Variants in LRRTM4 observed in about 807,000 individuals in gnomAD.
LRRTM4 encodes leucine-rich repeat transmembrane neuronal protein 4.
In LRRTM4, 25 loss-of-function variants were observed where a neutral mutation model predicts 47.6. That is an observed-to-expected ratio of 0.53 (90% CI 0.38 to 0.73). The LOEUF is 0.73. LRRTM4 is among the 30% of genes least tolerant of loss of function. LRRTM4 has a pLI of 0.00. For missense variants in LRRTM4, 638 were observed against 713.4 expected, an observed-to-expected ratio of 0.89 and a Z score of 1.20; for synonymous variants, 311 against 269.5, an observed-to-expected ratio of 1.15 and a Z score of -1.51.
intron 3 of LRRTM4, among the ~76,000 whole-genome samples, chr2:77,439,048 C>T (rs1189521630): frequency 6.6e-6 from 1 of 152,168 alleles, no homozygotes; most frequent in Non-Finnish European, 1.5e-5. Flanking sequence ...CAAAACGTCT[C>T]TTATAGGCTT....
In LRRTM4 at chr2:77,227,390, A is replaced by C. The variant is rs372934810; in HGVS notation, c.1551+290928T>G. Among the ~76,000 whole-genome samples the C allele has an allele frequency of 2.8e-4, 43 of 152,218 alleles. No homozygotes were observed. The East Asian group carries it at 6.6e-3, about 23-fold the overall frequency. On this transcript the variant is annotated intron_variant, in intron 3 of 3. Transcript: ENST00000409884. Reference sequence around the variant, plus strand: ...CACAATTTAATAAATGATTCAATGTAATCTCTACAAAAATGACTCTAAGAG... The same window carrying C: ...CACAATTTAATAAATGATTCAATGTCATCTCTACAAAAATGACTCTAAGAG...
At chr2:77,094,064 A>T (rs1454540429) in intron 3 of LRRTM4, among the ~76,000 whole-genome samples, 2 of 152,182 alleles carry the variant, frequency 1.3e-5, no homozygotes, top group African/African-American at 4.8e-5. Flanking sequence ...TTAGAGGTAG[A>T]AAACCCTAAC....
intron 3 of LRRTM4, among the ~76,000 whole-genome samples, chr2:77,018,269 T>TTTTTC (rs1454319184): frequency 1.3e-5 from 2 of 148,482 alleles, no homozygotes; most frequent in Non-Finnish European, 3.0e-5. Flanking sequence ...CTTTTTTTTT[T>TTTTTC]TTTTTTTTGT....
rs1352109488 is a variant in LRRTM4, at chr2:77,325,982, G to A, written c.1551+192336C>T. 2.6e-5 allele frequency among the ~76,000 whole-genome samples: 4 copies of A among 152,172 alleles called. No individual in the cohort carries two copies. The East Asian group carries it at 7.7e-4, about 29-fold the overall frequency. On this transcript the variant is annotated intron_variant, in intron 3 of 3. Transcript: ENST00000409884. ...CCTGTGAGGCAGGTCACAAAACCTA[G>A]GAAGGTAATTTTCTGACCTTTCCTC... is the stretch of plus-strand genomic sequence containing the variant.
intron 3 of LRRTM4, among the ~76,000 whole-genome samples, chr2:77,330,876 T>C (rs1374283329): frequency 1.3e-5 from 2 of 152,192 alleles, no homozygotes; most frequent in African/African-American, 2.4e-5. Context: ...CATTTCATAA[T>C]GCTTCTTAAG....
chr2:77,166,100 T>C (rs1384186563), intron 3 of LRRTM4, among the ~76,000 whole-genome samples: 1 of 152,216 alleles, frequency 6.6e-6, no homozygotes, highest in Non-Finnish European at 1.5e-5. Flanking sequence ...GATAAGCAAC[T>C]TCAGCAAAGT....
intron 3 of LRRTM4, among the ~76,000 whole-genome samples, chr2:77,145,743 C>T (rs909238842): frequency 6.7e-6 from 1 of 150,034 alleles, no homozygotes; most frequent in Non-Finnish European, 1.5e-5. Flanking sequence ...CACTACACTC[C>T]AGCCTGGGTG....
At chr2:77,036,350 G>A (rs1678837097) in intron 3 of LRRTM4, among the ~76,000 whole-genome samples, 1 of 151,636 alleles carries the variant, frequency 6.6e-6, no homozygotes, top group South Asian at 2.1e-4. Context: ...TATTATCCTA[G>A]TTTAGGGTAT....
At chr2:76,799,878 A>G (rs1457596350) in intron 3 of LRRTM4, among the ~76,000 whole-genome samples, 2 of 149,318 alleles carry the variant, frequency 1.3e-5, no homozygotes, top group Admixed American at 6.7e-5. Context: ...TAAAATACCT[A>G]GGAATCCAAC....
At chr2:77,097,581 T>A (rs1328897922) in intron 3 of LRRTM4, among the ~76,000 whole-genome samples, 2 of 151,976 alleles carry the variant, frequency 1.3e-5, no homozygotes, top group Non-Finnish European at 2.9e-5. Context: ...GTTAAAAATA[T>A]GTTTCTAAAG....
At chr2:77,402,224 C>A (rs1432558369) in intron 3 of LRRTM4, among the ~76,000 whole-genome samples, 1 of 151,936 alleles carries the variant, frequency 6.6e-6, no homozygotes, top group Non-Finnish European at 1.5e-5. Flanking sequence ...TAGGTTCCTG[C>A]AGCTTCAAAC....
At chr2:77,123,916 T>G (rs1671585797) in intron 3 of LRRTM4, among the ~76,000 whole-genome samples, 1 of 152,052 alleles carries the variant, frequency 6.6e-6, no homozygotes, top group African/African-American at 2.4e-5. Flanking sequence ...ATATCACACT[T>G]TACATGCCAT....
At chr2:76,959,743 T>C (rs1216445192) in intron 3 of LRRTM4, among the ~76,000 whole-genome samples, 1 of 151,668 alleles carries the variant, frequency 6.6e-6, no homozygotes, top group Non-Finnish European at 1.5e-5. Flanking sequence ...CTTGATAGGC[T>C]GTGGGGTGTG....
intron 3 of LRRTM4, among the ~76,000 whole-genome samples, chr2:76,887,249 A>T (rs2104135154): frequency 6.6e-6 from 1 of 151,928 alleles, no homozygotes; most frequent in Middle Eastern, 3.4e-3. Flanking sequence ...CATATGTCAA[A>T]GTAGATTCAA....
At chr2:76,975,479 A>T (rs1287722590) in intron 3 of LRRTM4, among the ~76,000 whole-genome samples, 1 of 151,634 alleles carries the variant, frequency 6.6e-6, no homozygotes, top group East Asian at 1.9e-4. Context: ...TACAGAAAAG[A>T]TAAACAACTG....
intron 3 of LRRTM4, among the ~76,000 whole-genome samples, chr2:77,276,398 G>T (rs1447912388): frequency 6.9e-6 from 1 of 144,764 alleles, no homozygotes; most frequent in Non-Finnish European, 1.5e-5. Context: ...AGGAGGGAGG[G>T]AGGGGAAAAG....
At position 77,131,038 on chromosome 2, in the gene LRRTM4, T is replaced by G. The variant is rs1417813043; in HGVS notation, c.1552-382122A>C. 5.0e-3 allele frequency among the ~76,000 whole-genome samples: 611 copies of G among 122,944 alleles called. No homozygotes were observed. In the Middle Eastern group the frequency reaches 0.06, roughly 12 times the overall value. The allele number at this position is 122,944 out of a possible 152,430, so 80.7% of individuals were successfully genotyped here. A position where few individuals can be genotyped will look rare whatever the true frequency, so the allele number is the denominator to read the frequency against. On this transcript the variant is annotated intron_variant, in intron 3 of 3. Transcript: ENST00000409884. ...TTTAGTAGAGACGGGGTTTCACCGT[T>G]TTAGCCGGGATGGTCTCGATATCCT...
intron 3 of LRRTM4, among the ~76,000 whole-genome samples, chr2:77,400,604 T>G (rs1184329584): frequency 6.6e-6 from 1 of 151,822 alleles, no homozygotes; most frequent in Non-Finnish European, 1.5e-5. Flanking sequence ...ACTTCAAAAA[T>G]ATAACAGATC....
chr2:77,213,101 C>T (rs1029557737), intron 3 of LRRTM4, among the ~76,000 whole-genome samples: 4 of 152,126 alleles, frequency 2.6e-5, no homozygotes, highest in Non-Finnish European at 5.9e-5. Context: ...TTTTCCTAGA[C>T]AGCAGTTAAC....
Sources: gnomAD v4.1 joint callset for allele counts (sites outside exome capture counted in the v4.1 genomes callset) on GRCh38, gnomAD v4.1.1 for gene constraint, MANE v1.5 for transcripts, NCBI Gene and HGNC (gene_info 2026-07-23, HGNC 2026-07-21) for gene names.